Variants in TGFA observed in about 807,000 individuals in gnomAD.
TGFA encodes transforming growth factor alpha.
In TGFA, 12 loss-of-function variants were observed where a neutral mutation model predicts 21.7. The ratio of observed to expected loss-of-function variants is 0.55; its 90% CI spans 0.35 to 0.90. The LOEUF is 0.90. Among genes scored for constraint, TGFA ranks in the 40% least tolerant of loss-of-function variants. The pLI, the probability that TGFA is intolerant of heterozygous loss-of-function variation, is 0.01. For synonymous variants in TGFA, 79 were observed against 88.1 expected, an observed-to-expected ratio of 0.90 and a Z score of 0.58; for missense variants, 178 against 210.8, an observed-to-expected ratio of 0.84 and a Z score of 0.96.
At chr2:70,528,622 C>T (rs1672714738) in intron 1 of TGFA, among the ~76,000 whole-genome samples, 1 of 152,168 alleles carries the variant, frequency 6.6e-6, no homozygotes, top group South Asian at 2.1e-4. Flanking sequence ...AGCCAGTATC[C>T]TGGTTTTAGT....
rs1238370660 is a variant in TGFA, at chr2:70,449,163, G to A, written c.*1696C>T. The A allele has an allele frequency of 3.3e-5, 5 of 151,414 alleles. No individual in the cohort carries two copies. Among genetic ancestry groups the A allele is most frequent in the African/African-American group, 4.9e-5 (2 of 41,212 alleles). 9.4% of individuals were successfully genotyped at this position (151,414 alleles called of 1,614,324 possible). On this transcript the variant is annotated 3_prime_UTR_variant, in exon 6 of 6. Coordinates refer to ENST00000295400, the MANE Select transcript of TGFA (RefSeq NM_003236.4). ...ATAAGAGTGCCAAAAATGAAGACAC[G>A]GGTCATAGAATTGTCTGAATTATAA...
At chr2:70,509,409 C>CA (rs1387646954) in intron 2 of TGFA, among the ~76,000 whole-genome samples, 1 of 152,210 alleles carries the variant, frequency 6.6e-6, no homozygotes, top group African/African-American at 2.4e-5. Flanking sequence ...TGTGCACCCC[C>CA]AGCTCAAACT....
chr2:70,455,433 C>T (rs1317049596), intron 4 of TGFA, among the ~76,000 whole-genome samples: 1 of 152,192 alleles, frequency 6.6e-6, no homozygotes, highest in African/African-American at 2.4e-5. Flanking sequence ...ACAACCTTGC[C>T]AGAGGGGCCC....
chr2:70,462,557 G>A (rs1553491579), intron 3 of TGFA, among the ~76,000 whole-genome samples: 1 of 152,228 alleles, frequency 6.6e-6, no homozygotes, highest in East Asian at 1.9e-4. Context: ...GCACACCTGA[G>A]TGAGTCCGAG....
intron 1 of TGFA, among the ~76,000 whole-genome samples, chr2:70,533,716 G>T (rs1400183744): frequency 6.6e-6 from 1 of 152,144 alleles, no homozygotes; most frequent in Admixed American, 6.5e-5. Context: ...GTCAACTTTT[G>T]TCGAGGAGAA....
intron 1 of TGFA, among the ~76,000 whole-genome samples, chr2:70,521,623 T>G (rs1453787031): frequency 1.5e-5 from 2 of 132,696 alleles, no homozygotes; most frequent in Admixed American, 1.5e-4. Flanking sequence ...GTTTGTTTTT[T>G]TTTTTTTTTT....
At chr2:70,463,205 G>C (rs35715946) in intron 3 of TGFA, among the ~76,000 whole-genome samples, 32,367 of 152,058 alleles carry the variant, frequency 0.21, 4,630 homozygotes, top group African/African-American at 0.39. Context: ...CCCTACTTGA[G>C]AGGGGAGTTG....
chr2:70,490,088 G>C (rs1321983961), intron 2 of TGFA, among the ~76,000 whole-genome samples: 1 of 152,128 alleles, frequency 6.6e-6, no homozygotes, highest in South Asian at 2.1e-4. Context: ...AGCAAAGTTT[G>C]AGAACAACTG....
intron 1 of TGFA, among the ~76,000 whole-genome samples, chr2:70,528,073 T>C (rs1169793792): frequency 1.3e-5 from 2 of 152,212 alleles, no homozygotes; most frequent in African/African-American, 4.8e-5. Context: ...TTCCAGCCTT[T>C]GCCATCACTA....
At chr2:70,517,966 T>C (rs1326392468) in intron 1 of TGFA, among the ~76,000 whole-genome samples, 8 of 152,270 alleles carry the variant, frequency 5.3e-5, no homozygotes, top group African/African-American at 1.4e-4. Flanking sequence ...ACGACTGTGC[T>C]TAGAAAGCCA....
At position 70,449,644 on chromosome 2, in the gene TGFA, A is replaced by G; in HGVS notation, c.*1215T>C. The G allele has an allele frequency of 4.0e-6, 1 of 249,428 alleles. No individual in the cohort carries two copies. The highest frequency in any genetic ancestry group is 8.4e-6 in the Non-Finnish European group (1 of 119,456). 15.5% of individuals were successfully genotyped at this position (249,428 alleles called of 1,614,324 possible). A position where few individuals can be genotyped will look rare whatever the true frequency, so the allele number is the denominator to read the frequency against. On this transcript the variant is annotated 3_prime_UTR_variant, in exon 6 of 6. Coordinates refer to ENST00000295400, the MANE Select transcript of TGFA (RefSeq NM_003236.4). ...ATCCTGAATGGAAATGAGGAAAAAAAAATTACTGGAATAGTTTTCCTAGTG... is the reference window on the plus strand; with the variant it reads ...ATCCTGAATGGAAATGAGGAAAAAAGAATTACTGGAATAGTTTTCCTAGTG...
chr2:70,476,788 AG>A (rs1247293132), intron 2 of TGFA, among the ~76,000 whole-genome samples: 2 of 152,224 alleles, frequency 1.3e-5, no homozygotes, highest in East Asian at 3.8e-4. Flanking sequence ...TTTAAGGCAA[AG>A]CTCAACAGTC....
chr2:70,520,136 C>CA (rs1328921128), intron 1 of TGFA, among the ~76,000 whole-genome samples: 1 of 152,198 alleles, frequency 6.6e-6, no homozygotes, highest in African/African-American at 2.4e-5. Flanking sequence ...GGTCCTGTTT[C>CA]ATCATAACTT....
chr2:70,539,002 G>T (rs1428949364), intron 1 of TGFA, among the ~76,000 whole-genome samples: 1 of 152,182 alleles, frequency 6.6e-6, no homozygotes, highest in African/African-American at 2.4e-5. Context: ...CCACAACCCT[G>T]ATCAGTCAGC....
intron 1 of TGFA, among the ~76,000 whole-genome samples, chr2:70,550,481 TA>T (rs1574156715): frequency 6.6e-6 from 1 of 151,616 alleles, no homozygotes; most frequent in African/African-American, 2.4e-5. Context: ...TAATTAAAAT[TA>T]AAAAAGATTA....
chr2:70,514,463 C>T (rs1574121433), intron 2 of TGFA, among the ~76,000 whole-genome samples: 1 of 148,524 alleles, frequency 6.7e-6, no homozygotes, highest in South Asian at 2.1e-4. Flanking sequence ...AAACGTAAAC[C>T]AGAAAATAAC....
chr2:70,475,499 T>A (rs1553494109), intron 2 of TGFA, among the ~76,000 whole-genome samples: 1 of 152,058 alleles, frequency 6.6e-6, no homozygotes, highest in Non-Finnish European at 1.5e-5. Flanking sequence ...TACAGCACAC[T>A]GTCACTTCAG....
At chr2:70,459,841 C>T (rs1670358047) in intron 3 of TGFA, among the ~76,000 whole-genome samples, 1 of 152,214 alleles carries the variant, frequency 6.6e-6, no homozygotes, top group Admixed American at 6.5e-5. Context: ...AACTCCCAGT[C>T]CCACACAGTG....
At chr2:70,505,295 T>C (rs1671888235) in intron 2 of TGFA, among the ~76,000 whole-genome samples, 3 of 152,172 alleles carry the variant, frequency 2.0e-5, no homozygotes, top group African/African-American at 7.2e-5. Context: ...GAAGCACTGG[T>C]CAAGGGCTGA....
Sources: gnomAD v4.1 joint callset for allele counts (sites outside exome capture counted in the v4.1 genomes callset) on GRCh38, gnomAD v4.1.1 for gene constraint, MANE v1.5 for transcripts, NCBI Gene and HGNC (gene_info 2026-07-23, HGNC 2026-07-21) for gene names.